The following BANK1 variants were observed in gnomAD, a reference collection of about 807,000 sequenced individuals.
The protein encoded by BANK1 is B-cell scaffold protein with ankyrin repeats.
A neutral mutation model predicts 94.5 loss-of-function variants in BANK1; 95 were observed. That is an observed-to-expected ratio of 1.00 (90% CI 0.85 to 1.19). The LOEUF is 1.19. Among genes scored for constraint, BANK1 ranks in the 50% most tolerant of loss-of-function variants. BANK1 has a pLI of 0.00. For missense variants in BANK1, 987 were observed against 932.2 expected (o/e 1.06, Z -0.77); for synonymous variants, 334 against 308.4 (o/e 1.08, Z -0.87).
intron 7 of BANK1, 52 bp from the exon 8 acceptor site, chr4:102,021,462 G>A: frequency 4.2e-6 from 3 of 708,552 alleles, no homozygotes; most frequent in Non-Finnish European, 4.6e-6. Context: ...CAGGCATCCA[G>A]TGCATATTTA....
At chr4:102,063,040 A>C (rs769346295) in intron 12 of BANK1, 35 bp from the exon 13 acceptor site, 1 of 1,579,830 alleles carries the variant, frequency 6.3e-7, no homozygotes, top group Admixed American at 1.7e-5. Context: ...AAAATTTGAA[A>C]ATCATAACTA....
At chr4:102,070,380 A>T (rs1046105941) in intron 13 of BANK1, among the ~76,000 whole-genome samples, 3 of 152,160 alleles carry the variant, frequency 2.0e-5, no homozygotes, top group South Asian at 2.1e-4. Flanking sequence ...GCATGCCCAC[A>T]TAAGGCTTTC....
At chr4:101,945,194 A>T (rs1037187449) in intron 7 of BANK1, among the ~76,000 whole-genome samples, 1 of 152,024 alleles carries the variant, frequency 6.6e-6, no homozygotes, top group African/African-American at 2.4e-5. Flanking sequence ...TAATACTATG[A>T]TAACCTCATT....
At chr4:101,991,010 G>C (rs1725688669) in intron 7 of BANK1, among the ~76,000 whole-genome samples, 1 of 152,238 alleles carries the variant, frequency 6.6e-6, no homozygotes, top group East Asian at 1.9e-4. Flanking sequence ...CTCAATGTAA[G>C]GTACCATGCT....
chr4:101,977,512 A>T (rs1157090480), intron 7 of BANK1, among the ~76,000 whole-genome samples: 1 of 152,198 alleles, frequency 6.6e-6, no homozygotes, highest in Non-Finnish European at 1.5e-5. Flanking sequence ...GTTATTTATT[A>T]AATCAAGATA....
chr4:101,842,898 A>C (rs899018257), intron 2 of BANK1, among the ~76,000 whole-genome samples: 1 of 152,200 alleles, frequency 6.6e-6, no homozygotes, highest in Admixed American at 6.5e-5. Flanking sequence ...TAACATATTT[A>C]ATGTCTTAGA....
intron 2 of BANK1, among the ~76,000 whole-genome samples, chr4:101,852,306 T>C (rs763325963): frequency 6.6e-6 from 1 of 151,322 alleles, no homozygotes; most frequent in Non-Finnish European, 1.5e-5. Flanking sequence ...TAAATATACA[T>C]ACATAATTTA....
intron 10 of BANK1, chr4:102,032,135 T>C (rs761241027): frequency 1.3e-5 from 2 of 152,226 alleles, no homozygotes; most frequent in Non-Finnish European, 2.9e-5. Flanking sequence ...TACCAGTAAA[T>C]ACTTTTAAAA....
At chr4:101,816,847 A>G (rs1725936465) in intron 1 of BANK1, among the ~76,000 whole-genome samples, 2 of 152,220 alleles carry the variant, frequency 1.3e-5, no homozygotes, top group African/African-American at 4.8e-5. Flanking sequence ...TAATATAAGC[A>G]GACATTAATC....
intron 7 of BANK1, among the ~76,000 whole-genome samples, chr4:101,995,718 T>C (rs547395210): frequency 6.6e-6 from 1 of 152,354 alleles, no homozygotes; most frequent in South Asian, 2.1e-4. Flanking sequence ...TTTTTTCATA[T>C]GTTTTTTGGC....
chr4:101,867,175 T>TAAAAAAAAAAAAAAA (rs774893110), intron 4 of BANK1, among the ~76,000 whole-genome samples: 1 of 34,240 alleles, frequency 2.9e-5, no homozygotes, highest in African/African-American at 2.9e-4. Context: ...TAAAAAAAAT[T>TAAAAAAAAAAAAAAA]TAAAAAAAAA....
chr4:101,999,852 G>T (rs1216446814), intron 7 of BANK1, among the ~76,000 whole-genome samples: 2 of 152,128 alleles, frequency 1.3e-5, no homozygotes, highest in African/African-American at 4.8e-5. Flanking sequence ...TATTGATATA[G>T]CATGTACAAA....
intron 7 of BANK1, among the ~76,000 whole-genome samples, chr4:101,995,248 A>G (rs1488096752): frequency 6.6e-6 from 1 of 152,060 alleles, no homozygotes; most frequent in South Asian, 2.1e-4. Flanking sequence ...TTCCAACTTC[A>G]CCTATGTCCC....
intron 1 of BANK1, among the ~76,000 whole-genome samples, chr4:101,820,571 C>T (rs1037871185): frequency 6.6e-6 from 1 of 152,100 alleles, no homozygotes; most frequent in African/African-American, 2.4e-5. Flanking sequence ...TTTCATCACC[C>T]AGGAATTAAG....
intron 7 of BANK1, among the ~76,000 whole-genome samples, chr4:101,954,386 A>G (rs942706864): frequency 6.6e-6 from 1 of 152,152 alleles, no homozygotes. Flanking sequence ...GGTGATTTTT[A>G]TATTCTGGAA....
chr4:101,815,905 T>A (rs1725896392), intron 1 of BANK1, among the ~76,000 whole-genome samples: 1 of 152,166 alleles, frequency 6.6e-6, no homozygotes, highest in African/African-American at 2.4e-5. Context: ...TACAAGTATT[T>A]AAAATTAGTC....
At chr4:101,863,218 A>G (rs1320364616) in intron 4 of BANK1, among the ~76,000 whole-genome samples, 1 of 152,030 alleles carries the variant, frequency 6.6e-6, no homozygotes, top group East Asian at 1.9e-4. Context: ...GATAAATTGT[A>G]TCAGATTTAA....
chr4:102,010,391 C>CTT lies in BANK1; in HGVS notation c.1207-11106_1207-11105dup, dbSNP rs1209533993. 4.7e-3 allele frequency among the ~76,000 whole-genome samples: 613 copies of CTT among 130,420 alleles called. 17 individuals carry two copies. The East Asian group carries it at 0.065, about 14-fold the overall frequency. The allele number at this position is 130,420 out of a possible 152,430, so 85.6% of individuals were successfully genotyped here. On this transcript the variant is annotated intron_variant, in intron 7 of 16. Transcript: ENST00000322953. ...GACATTGCTTTAGTTTGATTAATTT[C>CTT]TTTTTTTTTTTTTTTTTTGGGACGG...
chr4:101,913,433 A>G (rs191098951), intron 6 of BANK1, among the ~76,000 whole-genome samples: 56 of 152,282 alleles, frequency 3.7e-4, no homozygotes, highest in African/African-American at 1.3e-3. Context: ...TTTGATGTCA[A>G]TTCTAGAAAC....
Sources: gnomAD v4.1 joint callset for allele counts (sites outside exome capture counted in the v4.1 genomes callset) on GRCh38, gnomAD v4.1.1 for gene constraint, MANE v1.5 for transcripts, NCBI Gene and HGNC (gene_info 2026-07-23, HGNC 2026-07-21) for gene names.